Variants in GALC observed in about 807,000 individuals in gnomAD.
GALC encodes galactosylceramidase.
Under a neutral mutation model 91.8 loss-of-function variants are expected in GALC, and 77 were observed. The observed-to-expected ratio is 0.84, with a 90% confidence interval of 0.70 to 1.01. GALC has a LOEUF of 1.01. Among genes scored for constraint, GALC ranks in the 50% least tolerant of loss-of-function variants. The probability of loss-of-function intolerance (pLI) is 0.00; values close to 1 mark genes in which losing one functional copy is unlikely to be tolerated. For missense variants in GALC, 882 were observed against 855.9 expected, an observed-to-expected ratio of 1.03 and a Z score of -0.38; for synonymous variants, 357 against 306.7, an observed-to-expected ratio of 1.16 and a Z score of -1.71.
At chr14:87,953,005 G>A (rs2139969157) in intron 10 of GALC, 2 of 1,079,054 alleles carry the variant, frequency 1.9e-6, no homozygotes, top group South Asian at 1.2e-5. Flanking sequence ...GACCACAAAT[G>A]TGCAGCTATG....
Position 87,947,733 on chromosome 14 carries a change from T to C in GALC, c.1484A>G (p.Asn495Ser). Residue 495 changes from asparagine to serine, a missense_variant, in exon 13 of 17, where the codon AAT (asparagine) becomes AGT (serine). Asn to Ser is a conservative substitution (Grantham distance 46, BLOSUM62 1). Coordinates refer to ENST00000261304, the MANE Select transcript of GALC (RefSeq NM_000153.4). ...PFPSTYKDDFNVDYPFFSEAP... is the reference protein window; with the variant it reads ...PFPSTYKDDFSVDYPFFSEAP... The stretch of plus-strand genomic sequence containing the variant: ...TTTTAGTGAAAAATACTCACCAACA[T>C]TGAAATCATCCTTATAGGTACTTGG... The C allele has an allele frequency of 6.2e-7, 1 of 1,612,666 alleles. No individual in the cohort carries two copies. The highest frequency in any genetic ancestry group is 8.5e-7 in the Non-Finnish European group (1 of 1,179,046).
At chr14:87,990,716 TAGGC>T (rs1356119035) in intron 1 of GALC, among the ~76,000 whole-genome samples, 1 of 152,218 alleles carries the variant, frequency 6.6e-6, no homozygotes, top group African/African-American at 2.4e-5. Flanking sequence ...GTATCGGCTT[TAGGC>T]AAACACACCA....
At chr14:87,965,652 AAC>A in intron 8 of GALC, 23 bp from the exon 9 acceptor site, 1 of 1,612,530 alleles carries the variant, frequency 6.2e-7, no homozygotes, top group Middle Eastern at 1.7e-4. Flanking sequence ...ATAAAAAAGA[AAC>A]ACCAAGACAA....
At chr14:87,938,667 C>T (rs1884696995) in intron 16 of GALC, among the ~76,000 whole-genome samples, 1 of 151,872 alleles carries the variant, frequency 6.6e-6, no homozygotes, top group Non-Finnish European at 1.5e-5. Flanking sequence ...GTATTAAAGA[C>T]TTACACATAA....
rs143557368 is a variant in GALC, at chr14:87,980,702, T to C, written c.621+1503A>G. ...GTGTATTATTCCATTATTTGACACATTCCAAATTATGACACATTTTAATTG... is the reference window on the plus strand; with the variant it reads ...GTGTATTATTCCATTATTTGACACACTCCAAATTATGACACATTTTAATTG... On this transcript the variant is annotated intron_variant, in intron 6 of 16. Coordinates refer to ENST00000261304, the MANE Select transcript of GALC (RefSeq NM_000153.4). 9.7e-3 allele frequency: 1,486 copies of C among 153,380 alleles called. 12 individuals are homozygous for C. The highest frequency in any genetic ancestry group is 0.015 in the Non-Finnish European group (1,055 of 68,996). The allele number at this position is 153,380 out of a possible 1,614,324, so 9.5% of individuals were successfully genotyped here. A position where few individuals can be genotyped will look rare whatever the true frequency, so the allele number is the denominator to read the frequency against.
At chr14:87,955,876 G>A (rs1885516980) in intron 10 of GALC, among the ~76,000 whole-genome samples, 1 of 151,764 alleles carries the variant, frequency 6.6e-6, no homozygotes, top group South Asian at 2.1e-4. Flanking sequence ...TCATTAATGA[G>A]GAAGTATAGA....
At chr14:87,943,150 A>T (rs1451051602) in intron 14 of GALC, among the ~76,000 whole-genome samples, 1 of 152,058 alleles carries the variant, frequency 6.6e-6, no homozygotes, top group Non-Finnish European at 1.5e-5. Flanking sequence ...AGTGTGGTTT[A>T]TTCTTCCACA....
rs1185056562 is a variant in GALC, at chr14:87,993,088, C to A, written c.77G>T (p.Arg26Leu). ...AMTAAAGSAG[R>L]AAVPLLLCAL... ...ACACAGCAGCAAGGGCACCGCGGCG[C>A]GGCCCGCCGAACCCGCGGCCGCAGT... Residue 26 changes from arginine to leucine, a missense_variant, in exon 1 of 17, where the codon CGC becomes CTC. Coordinates refer to ENST00000261304, the MANE Select transcript of GALC (RefSeq NM_000153.4). The A allele has an allele frequency of 1.3e-6, 2 of 1,579,854 alleles. No individual in the cohort carries two copies. The highest frequency in any genetic ancestry group is 1.7e-6 in the Non-Finnish European group (2 of 1,163,822).
chr14:87,949,017 C>A (rs1180978937), intron 12 of GALC, among the ~76,000 whole-genome samples: 4 of 151,986 alleles, frequency 2.6e-5, no homozygotes, highest in Non-Finnish European at 5.9e-5. Context: ...TAAGGCAAGG[C>A]TCAGTCTTCA....
chr14:87,971,473 T>C (rs563464618), intron 7 of GALC, among the ~76,000 whole-genome samples: 30 of 152,204 alleles, frequency 2.0e-4, no homozygotes, highest in Admixed American at 1.4e-3. Flanking sequence ...GAACCACACA[T>C]AGACAATTTT....
chr14:87,959,847 C>T (rs1885721998), intron 10 of GALC: 1 of 151,780 alleles, frequency 6.6e-6, no homozygotes, highest in Admixed American at 6.6e-5. Flanking sequence ...TTTATTAAAA[C>T]ACTATTTACA....
chr14:87,943,640 T>C (rs1006327249), intron 14 of GALC, among the ~76,000 whole-genome samples: 1 of 151,992 alleles, frequency 6.6e-6, no homozygotes, highest in Non-Finnish European at 1.5e-5. Flanking sequence ...AAAGATGCAG[T>C]TTCTCAGTCT....
At chr14:87,961,853 G>C (rs1374753196) in intron 10 of GALC, among the ~76,000 whole-genome samples, 1 of 152,130 alleles carries the variant, frequency 6.6e-6, no homozygotes, top group Non-Finnish European at 1.5e-5. Flanking sequence ...ACCCGATCGA[G>C]AGAAGACAAT....
intron 1 of GALC, 198 bp downstream of exon 1, chr14:87,992,772 G>A: frequency 1.4e-6 from 2 of 1,415,884 alleles, no homozygotes; most frequent in Non-Finnish European, 1.8e-6. Flanking sequence ...TGCCTGTCTG[G>A]TTCGTGTTAA....
intron 8 of GALC, among the ~76,000 whole-genome samples, chr14:87,967,305 G>C (rs192570541): frequency 1.6e-4 from 24 of 152,262 alleles, no homozygotes; most frequent in Admixed American, 1.4e-3. Context: ...GTTAGCTCTG[G>C]ATCATAAGAC....
At chr14:87,947,612 G>A (rs912525297) in intron 13 of GALC, 116 bp downstream of exon 13, 1 of 964,482 alleles carries the variant, frequency 1.0e-6, no homozygotes, top group Non-Finnish European at 1.7e-6. Flanking sequence ...AGATGTAGGA[G>A]GTAAATGAAT....
In GALC at chr14:87,950,691, G is replaced by T. The variant is rs771706821; in HGVS notation, c.1219C>A (p.Gln407Lys). ...PFLPYFNVSQQFATFVLKGSF... is the reference protein window; with the variant it reads ...PFLPYFNVSQKFATFVLKGSF... ...CCCTTAAGAACAAAGGTGGCAAATTGTTGTGACACATTGAAATAAGGAAGA... is the reference window on the plus strand; with the variant it reads ...CCCTTAAGAACAAAGGTGGCAAATTTTTGTGACACATTGAAATAAGGAAGA... The change falls in exon 11 of 17, where the codon CAA (glutamine) becomes AAA (lysine). Residue 407 changes from glutamine (Q) to lysine (K), a missense_variant. Physicochemically the swap from Gln to Lys is moderately conservative, Grantham distance 53. Transcript: ENST00000261304. 6.2e-7 allele frequency: 1 copy of T among 1,607,230 alleles called. No individual in the cohort carries two copies. The highest frequency in any genetic ancestry group is 8.5e-7 in the Non-Finnish European group (1 of 1,175,064).
In GALC at chr14:87,933,957, A is replaced by C. The variant is rs768959513; in HGVS notation, c.*775T>G. 7 of 1,529,518 alleles carry C rather than the reference A, an allele frequency of 4.6e-6. No homozygotes were observed. Among genetic ancestry groups the C allele is most frequent in the Non-Finnish European group, 6.1e-6 (7 of 1,141,456 alleles). The allele number at this position is 1,529,518 out of a possible 1,614,324, so 94.7% of individuals were successfully genotyped here. On this transcript the variant is annotated 3_prime_UTR_variant, in exon 17 of 17. Coordinates refer to ENST00000261304, the MANE Select transcript of GALC (RefSeq NM_000153.4). ...GAGATGAGGCTGAGGAAACGACTAC[A>C]ACAGCATTGGCTATATCAGGTTTTC...
rs1393656731 is a variant in GALC, at chr14:87,949,928, C to G, written c.1255G>C (p.Glu419Gln). ...ATFVLKGSFS[E>Q]IPELQVWYTK... ...TACCATACCTGTAGCTCTGGTATTT[C>G]ACTCTGTAAAGAAAAGACAAAAAAG... Residue 419 changes from glutamate to glutamine, a missense_variant, in exon 12 of 17, where the codon GAA (glutamate) becomes CAA (glutamine). Physicochemically the swap from Glu to Gln is conservative, Grantham distance 29. Coordinates refer to ENST00000261304, the MANE Select transcript of GALC (RefSeq NM_000153.4). 6.5e-7 allele frequency: 1 copy of G among 1,546,182 alleles called. No individual in the cohort carries two copies. Among genetic ancestry groups the G allele is most frequent in the Non-Finnish European group, 8.9e-7 (1 of 1,119,374 alleles).
Sources: allele counts gnomAD v4.1 joint callset (sites outside exome capture counted in the v4.1 genomes callset), GRCh38; gene constraint gnomAD v4.1.1; transcripts MANE v1.5; gene names NCBI Gene and HGNC (gene_info 2026-07-23, HGNC 2026-07-21).